DLG2: variants seen among roughly 807,000 people sequenced by gnomAD.
The protein encoded by DLG2 is discs large MAGUK scaffold protein 2, also known as disks large homolog 2.
A neutral mutation model predicts 132.5 loss-of-function variants in DLG2; 45 were observed. The ratio of observed to expected loss-of-function variants is 0.34; its 90% confidence interval spans 0.27 to 0.44. The LOEUF (loss-of-function observed/expected upper bound fraction) is 0.44, where lower values mean the gene tolerates loss of function less well. Among genes scored for constraint, DLG2 ranks in the 20% least tolerant of loss-of-function variants. DLG2 has a pLI of 1.00. For missense variants in DLG2, 1,045 were observed against 1,196.9 expected (o/e 0.87, Z 1.87); for synonymous variants, 424 against 419.6 (o/e 1.01, Z -0.13).
At chr11:85,503,573 G>A (rs1033945301) in intron 3 of DLG2, among the ~76,000 whole-genome samples, 3 of 152,022 alleles carry the variant, frequency 2.0e-5, no homozygotes, top group Non-Finnish European at 4.4e-5. Flanking sequence ...CTGCCTTCAT[G>A]AATGAATTAA....
chr11:85,073,950 C>A (rs919733891), intron 6 of DLG2, among the ~76,000 whole-genome samples: 3 of 151,792 alleles, frequency 2.0e-5, no homozygotes, highest in African/African-American at 7.3e-5. Context: ...TTTGCAGCAA[C>A]CTGAATGTAT....
At chr11:85,092,371 C>A (rs2068928319) in intron 6 of DLG2, among the ~76,000 whole-genome samples, 1 of 151,870 alleles carries the variant, frequency 6.6e-6, no homozygotes, top group African/African-American at 2.4e-5. Flanking sequence ...ATCCTGATAA[C>A]CACAATCCTA....
chr11:84,957,887 G>A (rs1317686724), intron 6 of DLG2, among the ~76,000 whole-genome samples: 2 of 152,100 alleles, frequency 1.3e-5, no homozygotes, highest in African/African-American at 2.4e-5. Context: ...TCATTGGTTT[G>A]GTGCCTTAGT....
intron 7 of DLG2, chr11:84,273,302 AGAGG>A: frequency 9.2e-7 from 1 of 1,087,474 alleles, no homozygotes; most frequent in African/African-American, 1.7e-5. Context: ...ACCCAGTTGA[AGAGG>A]AAAAAAAAAA....
chr11:84,791,125 C>T (rs2073783125), intron 6 of DLG2, among the ~76,000 whole-genome samples: 1 of 152,140 alleles, frequency 6.6e-6, no homozygotes, highest in Non-Finnish European at 1.5e-5. Context: ...AACTGTCAAA[C>T]ACTTACAAAA....
At chr11:83,625,152 A>T (rs1370305986) in intron 19 of DLG2, among the ~76,000 whole-genome samples, 2 of 152,210 alleles carry the variant, frequency 1.3e-5, no homozygotes, top group Admixed American at 6.5e-5. Context: ...AGTACTGGGC[A>T]GGGGGGTGCA....
At chr11:84,295,771 G>T (rs191226682) in intron 7 of DLG2, among the ~76,000 whole-genome samples, 1 of 152,004 alleles carries the variant, frequency 6.6e-6, no homozygotes, top group Non-Finnish European at 1.5e-5. Context: ...ATTCACATTG[G>T]GGGGGTCAGA....
chr11:85,153,185 A>G (rs1266080419), intron 5 of DLG2, among the ~76,000 whole-genome samples: 1 of 152,214 alleles, frequency 6.6e-6, no homozygotes, highest in African/African-American at 2.4e-5. Flanking sequence ...CACATGACTA[A>G]TTTGTGATAG....
At chr11:85,442,100 A>T (rs1055315886) in intron 3 of DLG2, among the ~76,000 whole-genome samples, 7 of 152,202 alleles carry the variant, frequency 4.6e-5, no homozygotes. Context: ...CAGGAGATGA[A>T]GTCGGAAAGC....
chr11:84,338,007 GA>G (rs1412989895), intron 7 of DLG2, among the ~76,000 whole-genome samples: 1 of 151,998 alleles, frequency 6.6e-6, no homozygotes, highest in Admixed American at 6.6e-5. Context: ...AAGACACTTG[GA>G]AATATGAAAA....
intron 3 of DLG2, among the ~76,000 whole-genome samples, chr11:85,460,939 C>G (rs2092588709): frequency 1.3e-5 from 2 of 152,064 alleles, no homozygotes; most frequent in South Asian, 2.1e-4. Context: ...TTTGTTTTGC[C>G]TTTTGGCTTA....
At position 85,396,220 on chromosome 11, in the gene DLG2, A is replaced by C. The variant is rs535859321; in HGVS notation, c.41-110855T>G. On this transcript the variant is annotated intron_variant, in intron 3 of 27. Transcript: ENST00000376104. ...GAAGGAAAACTAACAAACAGAAAGG[A>C]ATAGCATCAACAACAACAAAGAAGA... Among the ~76,000 whole-genome samples the C allele has an allele frequency of 2.0e-5, 3 of 152,322 alleles. No homozygotes were observed. The South Asian group carries it at 6.2e-4, about 32-fold the overall frequency.
chr11:85,002,742 T>C (rs1302543362), intron 6 of DLG2, among the ~76,000 whole-genome samples: 1 of 152,166 alleles, frequency 6.6e-6, no homozygotes, highest in Admixed American at 6.6e-5. Flanking sequence ...TTAATAAAAG[T>C]TACACTGAGT....
At chr11:84,175,709 C>T (rs779017261) in intron 8 of DLG2, among the ~76,000 whole-genome samples, 5 of 152,102 alleles carry the variant, frequency 3.3e-5, no homozygotes, top group Non-Finnish European at 7.4e-5. Context: ...TCTTCACAAC[C>T]TTGGGAAAAG....
At chr11:83,613,534 G>A (rs945152419) in intron 19 of DLG2, among the ~76,000 whole-genome samples, 3 of 152,216 alleles carry the variant, frequency 2.0e-5, no homozygotes, top group Admixed American at 6.5e-5. Context: ...GAAACAGGGG[G>A]TTCTATTTTT....
intron 17 of DLG2, among the ~76,000 whole-genome samples, chr11:83,804,786 C>T (rs542997266): frequency 6.6e-6 from 1 of 152,182 alleles, no homozygotes; most frequent in Admixed American, 6.5e-5. Context: ...ATATATTGCA[C>T]CTATTCAAAT....
chr11:84,602,172 T>C (rs910524484), intron 6 of DLG2, among the ~76,000 whole-genome samples: 13 of 151,968 alleles, frequency 8.6e-5, no homozygotes, highest in African/African-American at 3.1e-4. Flanking sequence ...TATATTGTGA[T>C]CAAATCTTAA....
chr11:84,065,543 T>C (rs1050361991), intron 10 of DLG2, among the ~76,000 whole-genome samples: 1 of 152,110 alleles, frequency 6.6e-6, no homozygotes, highest in Admixed American at 6.6e-5. Context: ...TCTGAATGAC[T>C]ATTATTAAAA....
Position 84,917,730 on chromosome 11 carries a change from G to A in DLG2, c.357+193931C>T, listed in dbSNP as rs551532434. 6.9e-4 allele frequency among the ~76,000 whole-genome samples: 105 copies of A among 152,176 alleles called. 1 individual carries two copies. In the South Asian group the frequency reaches 0.02, roughly 29 times the overall value. On this transcript the variant is annotated intron_variant, in intron 6 of 27. Transcript: ENST00000376104. ...ATTAACTCCTTGTTTAATTTTTTAA[G>A]TTTTGAGTTAATGGGCTTTGTTAGA... is the stretch of plus-strand genomic sequence containing the variant.
Sources: allele counts gnomAD v4.1 joint callset (sites outside exome capture counted in the v4.1 genomes callset), GRCh38; gene constraint gnomAD v4.1.1; transcripts MANE v1.5; gene names NCBI Gene and HGNC (gene_info 2026-07-23, HGNC 2026-07-21).